Variants in CADM2 observed in about 807,000 individuals in gnomAD.
CADM2 encodes cell adhesion molecule 2.
CADM2 carries 12 observed loss-of-function variants against 49.8 expected under a neutral mutation model. The observed-to-expected ratio is 0.24, with a 90% CI of 0.15 to 0.39. The LOEUF (loss-of-function observed/expected upper bound fraction) is 0.39. Ranked by LOEUF, CADM2 falls within the 10% of genes least tolerant of loss-of-function variation. The pLI is 1.00. For missense variants in CADM2, 378 were observed against 492.3 expected (o/e 0.77, Z 2.20); for synonymous variants, 214 against 175.4 (o/e 1.22, Z -1.74).
At chr3:85,271,497 A>C (rs1394953033) in intron 1 of CADM2, among the ~76,000 whole-genome samples, 1 of 151,224 alleles carries the variant, frequency 6.6e-6, no homozygotes, top group African/African-American at 2.4e-5. Flanking sequence ...CAAATCCTCC[A>C]ACCTATTTTC....
At chr3:85,081,650 C>T (rs2107501243) in intron 1 of CADM2, among the ~76,000 whole-genome samples, 1 of 152,190 alleles carries the variant, frequency 6.6e-6, no homozygotes. Flanking sequence ...AGGTTACGTC[C>T]CACAGGGTGA....
rs575008330 is a variant in CADM2 at position 85,773,608 on chromosome 3, A to T, written c.89-28439A>T. 6.0e-4 allele frequency among the ~76,000 whole-genome samples: 92 copies of T among 152,136 alleles called. No homozygotes were observed. The South Asian group carries it at 0.018, about 29-fold the overall frequency. On this transcript the variant is annotated intron_variant, in intron 2 of 9. Transcript: ENST00000383699. ...TTAGGAGTTCATTAGTTGGATTATC[A>T]CTTTTCCATACAATGGTATTGCTTT... is the stretch of plus-strand genomic sequence containing the variant.
chr3:85,384,404 G>A (rs1469769976), intron 1 of CADM2, among the ~76,000 whole-genome samples: 1 of 151,796 alleles, frequency 6.6e-6, no homozygotes, highest in Non-Finnish European at 1.5e-5. Flanking sequence ...CTCCACCTGC[G>A]GGGTTCAAGC....
chr3:85,942,586 A>T (rs1408804169), intron 7 of CADM2, among the ~76,000 whole-genome samples: 3 of 149,258 alleles, frequency 2.0e-5, no homozygotes, highest in East Asian at 2.1e-4. Context: ...TATGCGGTGT[A>T]TGTTTTTTTG....
intron 1 of CADM2, among the ~76,000 whole-genome samples, chr3:85,622,412 A>G (rs1334082773): frequency 1.3e-5 from 2 of 152,164 alleles, no homozygotes; most frequent in African/African-American, 4.8e-5. Flanking sequence ...TCTAAGACAC[A>G]TTCTAAGAAT....
intron 1 of CADM2, among the ~76,000 whole-genome samples, chr3:84,997,638 C>T (rs1256483954): frequency 6.6e-6 from 1 of 151,566 alleles, no homozygotes; most frequent in Admixed American, 6.6e-5. Flanking sequence ...TTCAGAATAT[C>T]TAGAAAGTAT....
chr3:85,667,231 T>G (rs1267601141), intron 1 of CADM2, among the ~76,000 whole-genome samples: 1 of 152,000 alleles, frequency 6.6e-6, no homozygotes, highest in East Asian at 1.9e-4. Flanking sequence ...ACAAACATAA[T>G]TTTAAACTCT....
chr3:86,027,798 T>C (rs905926276), intron 8 of CADM2: 6 of 152,102 alleles, frequency 3.9e-5, no homozygotes, highest in Non-Finnish European at 5.9e-5. Flanking sequence ...ATATGAGTAG[T>C]TAAATCCAAA....
At chr3:85,462,353 A>G (rs1275597518) in intron 1 of CADM2, among the ~76,000 whole-genome samples, 2 of 152,178 alleles carry the variant, frequency 1.3e-5, no homozygotes, top group African/African-American at 4.8e-5. Flanking sequence ...CTAACTGCAC[A>G]CCAAGACTAT....
At chr3:85,151,252 T>G (rs1048973799) in intron 1 of CADM2, among the ~76,000 whole-genome samples, 1 of 152,134 alleles carries the variant, frequency 6.6e-6, no homozygotes, top group African/African-American at 2.4e-5. Context: ...TTTTCTTTAC[T>G]ATATTCCTAG....
chr3:85,846,673 C>G (rs2074895533), intron 3 of CADM2, among the ~76,000 whole-genome samples: 2 of 151,830 alleles, frequency 1.3e-5, no homozygotes, highest in Non-Finnish European at 2.9e-5. Flanking sequence ...TTAAGACCAG[C>G]CTAGGTAACA....
chr3:85,627,676 T>A (rs1373128003), intron 1 of CADM2, among the ~76,000 whole-genome samples: 2 of 152,074 alleles, frequency 1.3e-5, no homozygotes, highest in African/African-American at 4.8e-5. Context: ...GCTTTAAATT[T>A]GATGCACAAG....
intron 4 of CADM2, 44 bp from the exon 5 acceptor site, chr3:85,886,146 A>T (rs371188579): frequency 1.2e-6 from 2 of 1,605,680 alleles, no homozygotes; most frequent in South Asian, 1.1e-5. Flanking sequence ...TAACAAATCA[A>T]CCCTGAAGAT....
At chr3:85,158,394 A>G (rs1335742351) in intron 1 of CADM2, among the ~76,000 whole-genome samples, 5 of 152,308 alleles carry the variant, frequency 3.3e-5, no homozygotes, top group South Asian at 2.1e-4. Context: ...ATCCACACGT[A>G]TGTTTACTGC....
intron 1 of CADM2, among the ~76,000 whole-genome samples, chr3:85,441,842 CTT>C (rs2037216571): frequency 2.0e-5 from 3 of 151,724 alleles, no homozygotes; most frequent in Middle Eastern, 6.8e-3. Flanking sequence ...TAAAAAGAAA[CTT>C]TAAACAATGC....
At chr3:85,623,883 T>C (rs1418503400) in intron 1 of CADM2, among the ~76,000 whole-genome samples, 3 of 152,106 alleles carry the variant, frequency 2.0e-5, no homozygotes, top group African/African-American at 4.8e-5. Flanking sequence ...CAAGTAATTA[T>C]GGAATTATTG....
chr3:85,921,174 C>A (rs1257232386), intron 6 of CADM2, among the ~76,000 whole-genome samples: 2 of 151,810 alleles, frequency 1.3e-5, no homozygotes, highest in Non-Finnish European at 2.9e-5. Context: ...TTTTAACTTT[C>A]AATTTAATAA....
chr3:85,839,546 GA>G (rs1301599312), intron 3 of CADM2, among the ~76,000 whole-genome samples: 1 of 151,744 alleles, frequency 6.6e-6, no homozygotes, highest in Non-Finnish European at 1.5e-5. Context: ...CTACGATAGA[GA>G]GCTCAATGAG....
chr3:85,155,619 C>A (rs1234377064), intron 1 of CADM2, among the ~76,000 whole-genome samples: 1 of 152,022 alleles, frequency 6.6e-6, no homozygotes, highest in Non-Finnish European at 1.5e-5. Flanking sequence ...CTCTCCACCC[C>A]AAATCAACAG....
Sources: gnomAD v4.1 joint callset for allele counts (sites outside exome capture counted in the v4.1 genomes callset) on GRCh38, gnomAD v4.1.1 for gene constraint, MANE v1.5 for transcripts, NCBI Gene and HGNC (gene_info 2026-07-23, HGNC 2026-07-21) for gene names.